The following VTI1A variants were observed in gnomAD, a reference collection of about 807,000 sequenced individuals.
VTI1A encodes vesicle transport through interaction with t-SNAREs homolog 1A.
Under a neutral mutation model 34.9 loss-of-function variants are expected in VTI1A, and 22 were observed. The observed-to-expected ratio is 0.63, with a 90% confidence interval of 0.45 to 0.90. The LOEUF (loss-of-function observed/expected upper bound fraction) is 0.90. VTI1A is among the 40% of genes least tolerant of loss of function. VTI1A has a pLI of 0.00. For synonymous variants in VTI1A, 87 were observed against 97.3 expected, an observed-to-expected ratio of 0.89 and a Z score of 0.62; for missense variants, 268 against 275.6, an observed-to-expected ratio of 0.97 and a Z score of 0.20.
Position 112,460,513 on chromosome 10 carries a change from G to A in VTI1A, c.95-11G>A. On this transcript the variant is annotated splice_polypyrimidine_tract_variant and intron_variant, in intron 1 of 7. Transcript: ENST00000393077. ...TCTTTAGCAATTTCTTGGTATTATT[G>A]TTTGTTTCAGATGAAAAGAAACAGA... 1 of 1,593,460 alleles carries A rather than the reference G, an allele frequency of 6.3e-7. No homozygotes were observed. The highest frequency in any genetic ancestry group is 8.5e-7 in the Non-Finnish European group (1 of 1,174,004).
chr10:112,585,588 A>T (rs1212938647), intron 5 of VTI1A, among the ~76,000 whole-genome samples: 4 of 152,042 alleles, frequency 2.6e-5, no homozygotes, highest in South Asian at 4.1e-4. Flanking sequence ...GTTTGCAGAG[A>T]AGGCACAGGG....
At chr10:112,652,573 A>G (rs1343516828) in intron 5 of VTI1A, among the ~76,000 whole-genome samples, 2 of 152,044 alleles carry the variant, frequency 1.3e-5, no homozygotes, top group Non-Finnish European at 2.9e-5. Flanking sequence ...ATTGTTTTAA[A>G]AAAAGTAGCC....
At chr10:112,780,224 T>A (rs1590177579) in intron 7 of VTI1A, among the ~76,000 whole-genome samples, 1 of 150,666 alleles carries the variant, frequency 6.6e-6, no homozygotes, top group East Asian at 1.9e-4. Flanking sequence ...TAAGCTATGA[T>A]CACACTGCTG....
chr10:112,514,404 C>T (rs1442481627), intron 3 of VTI1A, among the ~76,000 whole-genome samples: 3 of 151,506 alleles, frequency 2.0e-5, no homozygotes, highest in Admixed American at 6.6e-5. Flanking sequence ...TCTAGCTAGT[C>T]TTTAGCTAGG....
intron 7 of VTI1A, among the ~76,000 whole-genome samples, chr10:112,771,072 C>T (rs1851802098): frequency 1.3e-5 from 2 of 152,122 alleles, no homozygotes; most frequent in South Asian, 4.1e-4. Flanking sequence ...CTTGCATGAG[C>T]ACACACGGGC....
Position 112,682,569 on chromosome 10 carries a change from G to C in VTI1A, c.560+13571G>C, listed in dbSNP as rs1044419718. The stretch of plus-strand genomic sequence containing the variant: ...CATACCACTTTGGTTTTTGCAACAC[G>C]CTGATATGAAGATGAAAAATTATTT... On this transcript the variant is annotated intron_variant, in intron 7 of 7. Coordinates refer to ENST00000393077, the MANE Select transcript of VTI1A (RefSeq NM_145206.4). Among the ~76,000 whole-genome samples, 3 of 152,138 alleles carry C rather than the reference G, an allele frequency of 2.0e-5. No individual in the cohort carries two copies. The East Asian group carries it at 5.8e-4, about 29-fold the overall frequency.
At chr10:112,531,133 C>G (rs1850425811) in intron 4 of VTI1A, among the ~76,000 whole-genome samples, 1 of 145,358 alleles carries the variant, frequency 6.9e-6, no homozygotes, top group African/African-American at 2.6e-5. Flanking sequence ...GCGCATGAAC[C>G]CTCACATGCT....
chr10:112,491,954 A>C (rs571732882), intron 3 of VTI1A, among the ~76,000 whole-genome samples: 166 of 152,332 alleles, frequency 1.1e-3, no homozygotes, highest in Non-Finnish European at 1.9e-3. Flanking sequence ...GCAGAGCTTT[A>C]GAAACTACTG....
In VTI1A at chr10:112,730,532, C is replaced by T. The variant is rs143522180; in HGVS notation, c.560+61534C>T. Among the ~76,000 whole-genome samples, 131 of 152,144 alleles carry T rather than the reference C, an allele frequency of 8.6e-4. 1 individual carries two copies. Among genetic ancestry groups the T allele is most frequent in the African/African-American group, 3.1e-3 (129 of 41,516 alleles). On this transcript the variant is annotated intron_variant, in intron 7 of 7. Transcript: ENST00000393077. ...ACATGGAGTCCCTTTGACAGGTGCC[C>T]GAGTTTCTTTTTCCTATGTATTACA... is the stretch of plus-strand genomic sequence containing the variant.
chr10:112,634,999 A>G (rs1245449422), intron 5 of VTI1A, among the ~76,000 whole-genome samples: 1 of 152,214 alleles, frequency 6.6e-6, no homozygotes. Flanking sequence ...AGGCAGACAG[A>G]GGAGCATTAG....
intron 5 of VTI1A, among the ~76,000 whole-genome samples, chr10:112,572,711 G>C (rs965830825): frequency 6.6e-6 from 1 of 150,746 alleles, no homozygotes; most frequent in Non-Finnish European, 1.5e-5. Context: ...GGTGGCGGGC[G>C]CCTGTAGTCC....
intron 3 of VTI1A, among the ~76,000 whole-genome samples, chr10:112,524,028 TG>T (rs1233426318): frequency 6.6e-6 from 1 of 152,124 alleles, no homozygotes; most frequent in African/African-American, 2.4e-5. Context: ...TAATGTAGCA[TG>T]GGTTTTTTTT....
At chr10:112,780,578 G>C (rs1480091633) in intron 7 of VTI1A, among the ~76,000 whole-genome samples, 2 of 152,046 alleles carry the variant, frequency 1.3e-5, no homozygotes, top group Non-Finnish European at 2.9e-5. Context: ...GCTGTCTCAT[G>C]TCCCGGGAAC....
At chr10:112,786,320 G>A (rs1852285311) in intron 7 of VTI1A, among the ~76,000 whole-genome samples, 1 of 152,156 alleles carries the variant, frequency 6.6e-6, no homozygotes, top group Admixed American at 6.5e-5. Flanking sequence ...TTGTGTATTA[G>A]TCCTAGTAGT....
chr10:112,651,332 T>C (rs1386643851), intron 5 of VTI1A, among the ~76,000 whole-genome samples: 2 of 152,204 alleles, frequency 1.3e-5, no homozygotes, highest in African/African-American at 4.8e-5. Context: ...TTTTTTGAGA[T>C]GGAGTTTCAC....
rs752555870 is a variant in VTI1A, at chr10:112,447,325, C to T, written c.-49C>T. On this transcript the variant is annotated 5_prime_UTR_variant, in exon 1 of 8. Transcript: ENST00000393077. ...GGGGCCCCTCGCTGCCCCTCGAGGCCCTTTCCCTGACCTAGGCTTTGGCCT... is the reference window on the plus strand; with the variant it reads ...GGGGCCCCTCGCTGCCCCTCGAGGCTCTTTCCCTGACCTAGGCTTTGGCCT... 4 of 1,588,376 alleles carry T rather than the reference C, an allele frequency of 2.5e-6. No homozygotes were observed. In the South Asian group the frequency reaches 3.4e-5, roughly 13 times the overall value.
intron 7 of VTI1A, among the ~76,000 whole-genome samples, chr10:112,770,407 T>C (rs1215676282): frequency 3.3e-5 from 5 of 151,960 alleles, no homozygotes; most frequent in Non-Finnish European, 5.9e-5. Flanking sequence ...TTTCTTTTTT[T>C]TTTTTTGAGA....
chr10:112,735,414 G>A (rs767894979), intron 7 of VTI1A, among the ~76,000 whole-genome samples: 2 of 152,010 alleles, frequency 1.3e-5, no homozygotes, highest in African/African-American at 2.4e-5. Context: ...ATTAAATGCC[G>A]AGTAAACAAT....
chr10:112,833,263 C>G, the VTI1A span, among the ~76,000 whole-genome samples: 1 of 152,020 alleles, frequency 6.6e-6, no homozygotes, highest in African/African-American at 2.4e-5. Context: ...TATCTAACCC[C>G]TAGCATCCCA....
Sources: allele counts gnomAD v4.1 joint callset (sites outside exome capture counted in the v4.1 genomes callset), GRCh38; gene constraint gnomAD v4.1.1; transcripts MANE v1.5; gene names NCBI Gene and HGNC (gene_info 2026-07-23, HGNC 2026-07-21).